Variants in ZEB2 observed in about 807,000 individuals in gnomAD.
ZEB2 encodes zinc finger E-box-binding homeobox 2.
Under a neutral mutation model 99.9 loss-of-function variants are expected in ZEB2, and 6 were observed. That is an observed-to-expected ratio of 0.06 (90% confidence interval 0.03 to 0.12). The LOEUF (loss-of-function observed/expected upper bound fraction) is 0.12. Ranked by LOEUF, ZEB2 falls within the 10% of genes least tolerant of loss-of-function variation. The pLI, the probability that ZEB2 is intolerant of heterozygous loss-of-function variation, is 1.00. For missense variants in ZEB2, 969 were observed against 1,502.8 expected (o/e 0.64, Z 5.87); for synonymous variants, 517 against 542.5 (o/e 0.95, Z 0.65).
At chr2:144,517,150 A>C in intron 2 of ZEB2, 128 bp downstream of exon 2, 3 of 1,026,602 alleles carry the variant, frequency 2.9e-6, no homozygotes, top group Non-Finnish European at 4.0e-6. Context: ...CCGCGGAGGG[A>C]GGCTCGCCCT....
chr2:144,497,269 C>G (rs1287879635), intron 2 of ZEB2, among the ~76,000 whole-genome samples: 1 of 152,162 alleles, frequency 6.6e-6, no homozygotes, highest in Non-Finnish European at 1.5e-5. Context: ...CTTTGTGGCA[C>G]TTGCCACATT....
rs727504227 is a variant in ZEB2, at chr2:144,424,825, G to A, written c.374C>T (p.Thr125Met). The A allele has an allele frequency of 2.4e-5, 39 of 1,613,902 alleles. No individual in the cohort carries two copies. The highest frequency in any genetic ancestry group is 1.6e-4 in the Middle Eastern group (1 of 6,082). Residue 125 changes from threonine (T) to methionine (M), a missense_variant, in exon 4 of 10, where the codon ACG becomes ATG. Physicochemically the swap from Thr to Met is moderately conservative, Grantham distance 81. Around this residue, in one of 8 missense-constraint regions of ZEB2, gnomAD observed 173 missense variants for 217.7 expected, o/e 0.79. Coordinates refer to ENST00000627532, the MANE Select transcript of ZEB2 (RefSeq NM_014795.4). The stretch of plus-strand genomic sequence containing the variant: ...ACCATTGTTAATTGCGGTCTGGATC[G>A]TGGCTTCTGGCCCCATAGTGTCATA... ...EDYDTMGPEA[T>M]IQTAINNGTV...
chr2:144,486,918 T>G (rs1704605135), intron 2 of ZEB2, among the ~76,000 whole-genome samples: 1 of 152,230 alleles, frequency 6.6e-6, no homozygotes, highest in Admixed American at 6.5e-5. Context: ...CTGATGATTT[T>G]GGGGCTCAAA....
chr2:144,394,595 A>G (rs1703196620), intron 9 of ZEB2: 1 of 152,162 alleles, frequency 6.6e-6, no homozygotes, highest in Non-Finnish European at 1.5e-5. Context: ...CTTAGTACTA[A>G]AGAAAATATC....
intron 2 of ZEB2, among the ~76,000 whole-genome samples, chr2:144,472,193 TTCATCATCATCA>T (rs3073687): frequency 1.3e-5 from 2 of 151,130 alleles, no homozygotes; most frequent in African/African-American, 2.4e-5. Context: ...TCATGTTTTC[TTCATCATCATCA>T]TCATCATCAT....
chr2:144,479,364 T>C (rs1468247365), intron 2 of ZEB2, among the ~76,000 whole-genome samples: 1 of 152,132 alleles, frequency 6.6e-6, no homozygotes, highest in African/African-American at 2.4e-5. Flanking sequence ...AATTAGAAAC[T>C]AGGCCTTTCT....
intron 2 of ZEB2, among the ~76,000 whole-genome samples, chr2:144,437,397 A>G (rs1027731037): frequency 6.6e-6 from 1 of 152,234 alleles, no homozygotes; most frequent in African/African-American, 2.4e-5. Flanking sequence ...TCAAGTGACT[A>G]TATGTCTTCC....
At position 144,388,952 on chromosome 2, in the gene ZEB2, A is replaced by G; in HGVS notation, c.*499T>C. The G allele has an allele frequency of 2.2e-6, 1 of 450,292 alleles. No individual in the cohort carries two copies. Among genetic ancestry groups the G allele is most frequent in the Non-Finnish European group, 4.4e-6 (1 of 227,844 alleles). 27.9% of individuals were successfully genotyped at this position (450,292 alleles called of 1,614,324 possible). The stretch of plus-strand genomic sequence containing the variant: ...ACTTAAGCTGAAAAAAAAAATGGGA[A>G]ATTGATGAATAGCGAAAGGAAAGTA... On this transcript the variant is annotated 3_prime_UTR_variant, in exon 10 of 10. Transcript: ENST00000627532. This position sits in a 1 kb window ranked among gnomAD's most constrained non-coding sequence, Gnocchi z 5.4.
At chr2:144,420,322 T>G (rs1029160368) in intron 4 of ZEB2, among the ~76,000 whole-genome samples, 1 of 152,166 alleles carries the variant, frequency 6.6e-6, no homozygotes. Context: ...CTCCAACTCC[T>G]GGACTGAAGC....
At chr2:144,419,756 C>T (rs775441077) in intron 4 of ZEB2, among the ~76,000 whole-genome samples, 29 of 151,784 alleles carry the variant, frequency 1.9e-4, no homozygotes, top group South Asian at 1.0e-3. Context: ...CTTTATCTTA[C>T]GTGTGAAAGC....
intron 2 of ZEB2, among the ~76,000 whole-genome samples, chr2:144,454,516 T>C (rs1704095512): frequency 1.3e-5 from 2 of 152,210 alleles, no homozygotes; most frequent in East Asian, 3.8e-4. Context: ...ATTCAAAATT[T>C]ACACACAAAC....
At chr2:144,515,740 A>G (rs1457799757) in intron 2 of ZEB2, among the ~76,000 whole-genome samples, 4 of 151,514 alleles carry the variant, frequency 2.6e-5, no homozygotes, top group Non-Finnish European at 5.9e-5. Context: ...CGACACCTCC[A>G]CCACAACAAG....
chr2:144,517,704 A>G (rs1294927258), intron 1 of ZEB2: 1 of 702,072 alleles, frequency 1.4e-6, no homozygotes, highest in Admixed American at 2.0e-5. Flanking sequence ...GGGAATGCAC[A>G]CGGCGGTACA....
At chr2:144,425,321 C>T (rs1703677736) in intron 3 of ZEB2, among the ~76,000 whole-genome samples, 1 of 152,174 alleles carries the variant, frequency 6.6e-6, no homozygotes, top group Non-Finnish European at 1.5e-5. Flanking sequence ...TATAATGGTG[C>T]TAATCTATGC....
chr2:144,387,326 G>GT lies in ZEB2; in HGVS notation c.*2124dup, dbSNP rs1560600911. The GT allele has an allele frequency of 6.6e-6, 1 of 152,026 alleles. No individual in the cohort carries two copies. Among genetic ancestry groups the GT allele is most frequent in the Admixed American group, 6.5e-5 (1 of 15,268 alleles). The allele number at this position is 152,026 out of a possible 1,614,324, so 9.4% of individuals were successfully genotyped here. On this transcript the variant is annotated 3_prime_UTR_variant, in exon 10 of 10. Transcript: ENST00000627532. ...AGCTGTAAATTTGATAAGGTAATCT[G>GT]TTTTTTCTGTTATTCTTCACTTGGC... is the stretch of plus-strand genomic sequence containing the variant.
At chr2:144,424,922 T>C (rs1320605997) in intron 3 of ZEB2, 55 bp from the exon 4 acceptor site, 2 of 1,564,782 alleles carry the variant, frequency 1.3e-6, no homozygotes, top group Admixed American at 3.3e-5. Flanking sequence ...CTTACTATAC[T>C]AAGCATGCCA....
At chr2:144,394,036 C>G (rs981696040) in intron 9 of ZEB2, among the ~76,000 whole-genome samples, 8 of 152,144 alleles carry the variant, frequency 5.3e-5, no homozygotes, top group African/African-American at 1.9e-4. Flanking sequence ...ATTCTCCTGC[C>G]TTAGCCTCCC....
At chr2:144,394,299 A>C (rs1294559060) in intron 9 of ZEB2, 3 of 152,180 alleles carry the variant, frequency 2.0e-5, no homozygotes, top group Non-Finnish European at 4.4e-5. Context: ...CAGACCTATG[A>C]AGGTTACAAT....
At position 144,515,711 on chromosome 2, in the gene ZEB2, A is replaced by G. The variant is rs560681511; in HGVS notation, c.73+1567T>C. On this transcript the variant is annotated intron_variant, in intron 2 of 9. Transcript: ENST00000627532. ...AACAGTTTCTGACTAAAATTCCTCT[A>G]TCACTCCCCCATATGGCTCGACACC... Among the ~76,000 whole-genome samples, 9 of 151,754 alleles carry G rather than the reference A, an allele frequency of 5.9e-5. No individual in the cohort carries two copies. In the South Asian group the frequency reaches 1.7e-3, roughly 28 times the overall value.
Sources: gnomAD v4.1 joint callset for allele counts (sites outside exome capture counted in the v4.1 genomes callset) on GRCh38, gnomAD v4.1.1 for gene constraint, gnomAD v4.1.1 regional missense constraint, Gnocchi (gnomAD v3.1) non-coding constraint, MANE v1.5 for transcripts, NCBI Gene and HGNC (gene_info 2026-07-23, HGNC 2026-07-21) for gene names.